CDC42BPB: variants seen among roughly 807,000 people sequenced by gnomAD.
CDC42BPB encodes the protein serine/threonine-protein kinase MRCK beta.
A neutral mutation model predicts 214.9 loss-of-function variants in CDC42BPB; 37 were observed. The observed-to-expected ratio is 0.17, with a 90% CI of 0.13 to 0.23. CDC42BPB has a LOEUF of 0.23. Among genes scored for constraint, CDC42BPB ranks in the 10% least tolerant of loss-of-function variants. CDC42BPB has a pLI of 1.00. For missense variants in CDC42BPB, 1,694 were observed against 2,227.0 expected, an observed-to-expected ratio of 0.76 and a Z score of 4.82; for synonymous variants, 931 against 884.0, an observed-to-expected ratio of 1.05 and a Z score of -0.94.
At chr14:103,035,243 G>A (rs1180975248) in intron 1 of CDC42BPB, among the ~76,000 whole-genome samples, 1 of 152,020 alleles carries the variant, frequency 6.6e-6, no homozygotes, top group East Asian at 1.9e-4. Context: ...TTTTAGTAGA[G>A]ACGGGGTTTC....
At position 103,004,090 on chromosome 14, in the gene CDC42BPB, C is replaced by G; in HGVS notation, c.352-67G>C. 1 of 1,494,414 alleles carries G rather than the reference C, an allele frequency of 6.7e-7. No homozygotes were observed. Among genetic ancestry groups the G allele is most frequent in the Non-Finnish European group, 8.9e-7 (1 of 1,118,634 alleles). 92.6% of individuals were successfully genotyped at this position (1,494,414 alleles called of 1,614,324 possible). On this transcript the variant is annotated intron_variant, in intron 3 of 36. Transcript: ENST00000361246. This position sits in a 1 kb window ranked among gnomAD's most constrained non-coding sequence, Gnocchi z 5.3. ...GCAGGCCAGAGAGCGTACTGCCGGT[C>G]TCGGGGTCCCTCCTGGGACAGTGGC...
intron 12 of CDC42BPB, 69 bp downstream of exon 12, chr14:102,973,947 C>A: frequency 6.6e-7 from 1 of 1,521,320 alleles, no homozygotes; most frequent in Non-Finnish European, 8.9e-7. Context: ...CCATCATCGG[C>A]ATGAACGTGA....
intron 14 of CDC42BPB, 51 bp from the exon 15 acceptor site, chr14:102,968,767 C>A: frequency 6.3e-7 from 1 of 1,598,722 alleles, no homozygotes; most frequent in South Asian, 1.1e-5. Flanking sequence ...CCTCAAGGGT[C>A]ACACTGTCCT....
At chr14:103,039,469 CAACA>C (rs910370031) in intron 1 of CDC42BPB, among the ~76,000 whole-genome samples, 12 of 152,050 alleles carry the variant, frequency 7.9e-5, no homozygotes, top group Admixed American at 2.0e-4. Context: ...GAGGTTGGTT[CAACA>C]AACAAAAACC....
intron 23 of CDC42BPB, among the ~76,000 whole-genome samples, chr14:102,953,971 A>G (rs1274599654): frequency 2.0e-5 from 3 of 152,314 alleles, no homozygotes; most frequent in African/African-American, 7.2e-5. Flanking sequence ...CAATTAAAAT[A>G]TATTTGTGTA....
Position 102,943,866 on chromosome 14 carries a change from T to C in CDC42BPB, c.4408+25A>G. 1 of 1,568,044 alleles carries C rather than the reference T, an allele frequency of 6.4e-7. No homozygotes were observed. The highest frequency in any genetic ancestry group is 8.6e-7 in the Non-Finnish European group (1 of 1,158,908). Reference sequence around the variant, plus strand: ...TCGGTGGGAAAAGCAGCAACAGGGATATGCAACAGAAAACATATACATACT... The same window carrying C: ...TCGGTGGGAAAAGCAGCAACAGGGACATGCAACAGAAAACATATACATACT... On this transcript the variant is annotated intron_variant, in intron 30 of 36. Transcript: ENST00000361246. The surrounding 1 kb of genome is among the most constrained non-coding windows in gnomAD (Gnocchi z 4.6).
chr14:102,959,243 G>T (rs1315041764), intron 21 of CDC42BPB, among the ~76,000 whole-genome samples: 2 of 149,918 alleles, frequency 1.3e-5, no homozygotes, highest in African/African-American at 4.9e-5. Context: ...GTTGCAGTGA[G>T]CCAAGATCAT....
At chr14:102,941,043 T>C (rs1282409366) in intron 30 of CDC42BPB, 19 of 900,632 alleles carry the variant, frequency 2.1e-5, no homozygotes, top group Non-Finnish European at 2.5e-5. Context: ...CATTTGGAGT[T>C]TAAGGGGCTT....
chr14:102,956,762 G>C (rs1388734891), intron 21 of CDC42BPB, among the ~76,000 whole-genome samples: 1 of 152,158 alleles, frequency 6.6e-6, no homozygotes, highest in Non-Finnish European at 1.5e-5. Context: ...CCAGGAGTTT[G>C]AGGTTGCAGT....
chr14:103,025,565 C>T (rs1887004846), intron 1 of CDC42BPB, among the ~76,000 whole-genome samples: 1 of 151,456 alleles, frequency 6.6e-6, no homozygotes, highest in African/African-American at 2.4e-5. Context: ...TGCCTGTAAT[C>T]CCAGCACTTT....
intron 26 of CDC42BPB, 74 bp from the exon 27 acceptor site, chr14:102,947,876 G>A (rs1397969826): frequency 5.0e-6 from 8 of 1,602,082 alleles, no homozygotes; most frequent in South Asian, 2.2e-5. Context: ...GCCCTGCCCT[G>A]CCCTGCCCTG....
chr14:103,023,319 C>T (rs1315954251), intron 1 of CDC42BPB, among the ~76,000 whole-genome samples: 1 of 152,110 alleles, frequency 6.6e-6, no homozygotes, highest in African/African-American at 2.4e-5. Flanking sequence ...AGGTGCCTGC[C>T]ACCATGCCTG....
At chr14:103,019,269 G>T (rs1018383265) in intron 1 of CDC42BPB, among the ~76,000 whole-genome samples, 1 of 152,132 alleles carries the variant, frequency 6.6e-6, no homozygotes, top group African/African-American at 2.4e-5. Flanking sequence ...AGACACGGCC[G>T]CCCTGCAGCT....
At chr14:102,936,882 G>A (rs1446480175) in intron 36 of CDC42BPB, 2 of 152,236 alleles carry the variant, frequency 1.3e-5, no homozygotes. Flanking sequence ...CTTTAAAGTA[G>A]TTATTTTGGG....
intron 16 of CDC42BPB, among the ~76,000 whole-genome samples, chr14:102,968,050 G>A (rs1893297553): frequency 6.6e-6 from 1 of 151,434 alleles, no homozygotes; most frequent in East Asian, 1.9e-4. Context: ...AGCCAAGATC[G>A]CGTCACTGCA....
In CDC42BPB at chr14:102,938,254, C is replaced by T. The variant is rs922038902; in HGVS notation, c.4933+52G>A. 20 of 1,597,562 alleles carry T rather than the reference C, an allele frequency of 1.3e-5. No individual in the cohort carries two copies. In the South Asian group the frequency reaches 2.1e-4, roughly 16 times the overall value. ...TGCCTGGGGTCTCCCCATTCCAGCA[C>T]CCCCTACCCCCCACCTCCCCCAGGG... is the stretch of plus-strand genomic sequence containing the variant. On this transcript the variant is annotated intron_variant, in intron 35 of 36. Transcript: ENST00000361246.
At chr14:102,982,085 T>C (rs1314161419) in intron 7 of CDC42BPB, among the ~76,000 whole-genome samples, 1 of 152,200 alleles carries the variant, frequency 6.6e-6, no homozygotes, top group Non-Finnish European at 1.5e-5. Context: ...TGGCAGGCTC[T>C]TAGTAATAAC....
At chr14:102,962,796 G>A (rs1300392760) in intron 20 of CDC42BPB, among the ~76,000 whole-genome samples, 1 of 152,136 alleles carries the variant, frequency 6.6e-6, no homozygotes, top group African/African-American at 2.4e-5. Flanking sequence ...AGGTTGCAGT[G>A]AGCCGAGATT....
intron 1 of CDC42BPB, among the ~76,000 whole-genome samples, chr14:103,050,216 T>TA (rs760483258): frequency 1.8e-4 from 27 of 152,234 alleles, no homozygotes; most frequent in Non-Finnish European, 3.4e-4. Flanking sequence ...GGCATTCATT[T>TA]AGGCCTGAGG....
Sources: gnomAD v4.1 joint callset for allele counts (sites outside exome capture counted in the v4.1 genomes callset) on GRCh38, gnomAD v4.1.1 for gene constraint, Gnocchi (gnomAD v3.1) non-coding constraint, MANE v1.5 for transcripts, NCBI Gene and HGNC (gene_info 2026-07-23, HGNC 2026-07-21) for gene names.